Variants in GRID2 observed in about 807,000 individuals in gnomAD.
GRID2 encodes glutamate receptor ionotropic, delta-2.
Under a neutral mutation model 114.8 loss-of-function variants are expected in GRID2, and 33 were observed. The ratio of observed to expected loss-of-function variants is 0.29; its 90% CI spans 0.22 to 0.38. GRID2 has a LOEUF of 0.38. Ranked by LOEUF, GRID2 falls within the 10% of genes least tolerant of loss-of-function variation. The pLI is 1.00. For synonymous variants in GRID2, 505 were observed against 449.9 expected, an observed-to-expected ratio of 1.12 and a Z score of -1.55; for missense variants, 1,184 against 1,257.7, an observed-to-expected ratio of 0.94 and a Z score of 0.89.
At chr4:93,769,499 T>C in intron 15 of GRID2, 49 bp downstream of exon 15, 1 of 1,596,454 alleles carries the variant, frequency 6.3e-7, no homozygotes, top group Non-Finnish European at 8.6e-7. Flanking sequence ...AAGCAGGCTG[T>C]ATTTCCAGGG....
chr4:92,543,841 A>T (rs571824995), intron 1 of GRID2, among the ~76,000 whole-genome samples: 135 of 152,318 alleles, frequency 8.9e-4, no homozygotes, highest in Non-Finnish European at 1.5e-3. Context: ...AGAAATCAAC[A>T]GATCATTTTG....
chr4:92,749,489 A>C (rs1267385433), intron 2 of GRID2, among the ~76,000 whole-genome samples: 1 of 150,174 alleles, frequency 6.7e-6, no homozygotes, highest in Non-Finnish European at 1.5e-5. Flanking sequence ...TAATTTTTAT[A>C]TTTTTAGTAG....
chr4:92,576,089 C>T (rs2149197643), intron 1 of GRID2, among the ~76,000 whole-genome samples: 1 of 152,338 alleles, frequency 6.6e-6, no homozygotes, highest in Non-Finnish European at 1.5e-5. Context: ...GGCAATCTGC[C>T]TTTGCCCGAG....
At chr4:92,306,180 G>A (rs1314310365) in intron 1 of GRID2, among the ~76,000 whole-genome samples, 1 of 152,224 alleles carries the variant, frequency 6.6e-6, no homozygotes, top group Admixed American at 6.5e-5. Context: ...GGTCTCAGAG[G>A]CTGTCTTTGT....
chr4:92,634,166 G>A (rs557536322), intron 2 of GRID2, among the ~76,000 whole-genome samples: 86 of 151,850 alleles, frequency 5.7e-4, no homozygotes, highest in African/African-American at 2.0e-3. Context: ...GAAAGTTTAC[G>A]AGTTTATGTT....
intron 2 of GRID2, among the ~76,000 whole-genome samples, chr4:93,050,308 G>A (rs1020767779): frequency 6.6e-6 from 1 of 152,112 alleles, no homozygotes; most frequent in East Asian, 1.9e-4. Flanking sequence ...AATTAAAGCT[G>A]CAGAGAGTCA....
At chr4:93,154,452 T>A (rs1736991692) in intron 4 of GRID2, among the ~76,000 whole-genome samples, 1 of 152,036 alleles carries the variant, frequency 6.6e-6, no homozygotes, top group Non-Finnish European at 1.5e-5. Flanking sequence ...TCTGATTTGT[T>A]GGTGCTGTCA....
intron 8 of GRID2, among the ~76,000 whole-genome samples, chr4:93,374,278 A>G (rs1449669471): frequency 6.6e-6 from 1 of 152,194 alleles, no homozygotes; most frequent in African/African-American, 2.4e-5. Flanking sequence ...AACACTTCAC[A>G]ATTTCAAAAT....
At chr4:92,476,154 T>C (rs887365020) in intron 1 of GRID2, among the ~76,000 whole-genome samples, 72 of 151,550 alleles carry the variant, frequency 4.8e-4, no homozygotes, top group African/African-American at 1.7e-3. Context: ...GCCTCCTGAG[T>C]AGCTGGGACT....
At position 92,996,391 on chromosome 4, in the gene GRID2, C is replaced by G. The variant is rs184001998; in HGVS notation, c.245-88604C>G. 1.9e-3 allele frequency among the ~76,000 whole-genome samples: 290 copies of G among 152,128 alleles called. 3 individuals carry two copies. Among genetic ancestry groups the G allele is most frequent in the African/African-American group, 6.7e-3 (277 of 41,530 alleles). ...TTTATTTTTATCATATCATATTATACATATGTTTGCCCAAGCACTCACGTG... is the reference window on the plus strand; with the variant it reads ...TTTATTTTTATCATATCATATTATAGATATGTTTGCCCAAGCACTCACGTG... On this transcript the variant is annotated intron_variant, in intron 2 of 15. Coordinates refer to ENST00000282020, the MANE Select transcript of GRID2 (RefSeq NM_001510.4).
At position 93,048,476 on chromosome 4, in the gene GRID2, C is replaced by A. The variant is rs181434182; in HGVS notation, c.245-36519C>A. ...CCTCTCTGTGGGACTTCTGAACAAA[C>A]TTCCGTCTGTGGCAAATCACTGACT... is the stretch of plus-strand genomic sequence containing the variant. On this transcript the variant is annotated intron_variant, in intron 2 of 15. Coordinates refer to ENST00000282020, the MANE Select transcript of GRID2 (RefSeq NM_001510.4). 7.8e-3 allele frequency among the ~76,000 whole-genome samples: 1,188 copies of A among 152,146 alleles called. 17 individuals are homozygous for A. The highest frequency in any genetic ancestry group is 0.027 in the African/African-American group (1,126 of 41,530).
chr4:93,263,207 A>G (rs1579468833), intron 8 of GRID2, among the ~76,000 whole-genome samples: 1 of 151,846 alleles, frequency 6.6e-6, no homozygotes, highest in East Asian at 1.9e-4. Context: ...TTTTTTAATC[A>G]TGTTTATCTA....
At chr4:92,450,859 A>C (rs1461199852) in intron 1 of GRID2, among the ~76,000 whole-genome samples, 2 of 148,050 alleles carry the variant, frequency 1.4e-5, no homozygotes, top group African/African-American at 4.9e-5. Context: ...AATTTAAATA[A>C]ATTTAATTTT....
chr4:92,411,669 A>G (rs1226487865), intron 1 of GRID2, among the ~76,000 whole-genome samples: 1 of 137,244 alleles, frequency 7.3e-6, no homozygotes, highest in African/African-American at 2.9e-5. Context: ...ATATATATAT[A>G]TATATATATG....
In GRID2 at chr4:93,713,995, G is replaced by A. The variant is rs554253981; in HGVS notation, c.2361-55215G>A. 6.2e-4 allele frequency among the ~76,000 whole-genome samples: 95 copies of A among 152,100 alleles called. 1 individual carries two copies. The highest frequency in any genetic ancestry group is 1.1e-3 in the Non-Finnish European group (75 of 68,024). ...CAGGATGTGCAGGTTTGTTACGTAG[G>A]TAAACATGTGCCATGGTGGTTTGCT... On this transcript the variant is annotated intron_variant, in intron 14 of 15. Transcript: ENST00000282020.
chr4:92,315,993 C>CAAAAAAAAAAAAAAA (rs778361565), intron 1 of GRID2, among the ~76,000 whole-genome samples: 46 of 61,900 alleles, frequency 7.4e-4, no homozygotes, highest in East Asian at 3.0e-3. Context: ...AAACAAAAAG[C>CAAAAAAAAAAAAAAA]AAAAAAAAAA....
chr4:93,367,498 AC>A (rs1423473803), intron 8 of GRID2, among the ~76,000 whole-genome samples: 2 of 152,186 alleles, frequency 1.3e-5, no homozygotes, highest in Non-Finnish European at 2.9e-5. Context: ...TGTGAAAATT[AC>A]CACATCCTTG....
At chr4:93,625,807 C>T (rs1020351250) in intron 13 of GRID2, among the ~76,000 whole-genome samples, 6 of 151,960 alleles carry the variant, frequency 3.9e-5, no homozygotes, top group African/African-American at 1.4e-4. Context: ...CCCAGCTACT[C>T]GGGAGGTTGA....
chr4:93,536,941 A>G (rs1160299486), intron 13 of GRID2, among the ~76,000 whole-genome samples: 1 of 151,574 alleles, frequency 6.6e-6, no homozygotes, highest in African/African-American at 2.4e-5. Context: ...TTCCTTTGTC[A>G]TTGGTGACAT....
Sources: allele counts gnomAD v4.1 joint callset (sites outside exome capture counted in the v4.1 genomes callset), GRCh38; gene constraint gnomAD v4.1.1; transcripts MANE v1.5; gene names NCBI Gene and HGNC (gene_info 2026-07-23, HGNC 2026-07-21).